NEGR1: variants seen among roughly 807,000 people sequenced by gnomAD.
The protein encoded by NEGR1 is neuronal growth regulator 1.
NEGR1 carries 10 observed loss-of-function variants against 40.9 expected under a neutral mutation model. The observed-to-expected ratio is 0.24, with a 90% CI of 0.15 to 0.42. NEGR1 has a LOEUF of 0.42. Ranked by LOEUF, NEGR1 falls within the 10% of genes least tolerant of loss-of-function variation. The pLI is 1.00. For synonymous variants in NEGR1, 185 were observed against 166.8 expected (o/e 1.11, Z -0.84); for missense variants, 352 against 438.9 (o/e 0.80, Z 1.77).
intron 1 of NEGR1, among the ~76,000 whole-genome samples, chr1:72,204,524 A>T (rs924000636): frequency 2.9e-4 from 44 of 152,268 alleles, no homozygotes; most frequent in African/African-American, 9.9e-4. Context: ...AAGAATGCTG[A>T]GCTTTGAGGG....
chr1:71,527,043 A>G (rs1405669826), intron 6 of NEGR1, among the ~76,000 whole-genome samples: 1 of 151,566 alleles, frequency 6.6e-6, no homozygotes, highest in African/African-American at 2.4e-5. Context: ...ATCCTCTAGA[A>G]AGCCTTTTAT....
intron 4 of NEGR1, among the ~76,000 whole-genome samples, chr1:71,637,300 G>A (rs780549997): frequency 5.9e-5 from 9 of 151,890 alleles, no homozygotes; most frequent in Non-Finnish European, 8.8e-5. Flanking sequence ...GAACTTTAGG[G>A]TATTTATGGA....
At chr1:71,932,756 A>AG (rs1410491300) in intron 2 of NEGR1, among the ~76,000 whole-genome samples, 3 of 152,106 alleles carry the variant, frequency 2.0e-5, no homozygotes, top group Non-Finnish European at 4.4e-5. Context: ...ATTGTTAGGC[A>AG]AAGAGCATAT....
chr1:71,435,078 C>G (rs1017888807), intron 6 of NEGR1, among the ~76,000 whole-genome samples: 17 of 151,586 alleles, frequency 1.1e-4, no homozygotes, highest in South Asian at 2.1e-4. Context: ...GCGACAGAGC[C>G]AGACTCCATC....
intron 3 of NEGR1, among the ~76,000 whole-genome samples, chr1:71,700,154 C>A (rs948358742): frequency 4.0e-5 from 6 of 151,876 alleles, no homozygotes; most frequent in African/African-American, 1.5e-4. Flanking sequence ...AAAATATTTA[C>A]CTTTTTAAAT....
chr1:72,028,692 C>A (rs917714194), intron 1 of NEGR1, among the ~76,000 whole-genome samples: 1 of 152,220 alleles, frequency 6.6e-6, no homozygotes, highest in Non-Finnish European at 1.5e-5. Flanking sequence ...GTCTACTTAA[C>A]CTTCAAGATT....
chr1:71,590,161 C>G (rs747736689), intron 6 of NEGR1, among the ~76,000 whole-genome samples: 2 of 152,082 alleles, frequency 1.3e-5, no homozygotes, highest in Non-Finnish European at 2.9e-5. Flanking sequence ...GTCCTTGAGA[C>G]TGACTGAGTT....
chr1:72,030,258 A>T (rs1156419216), intron 1 of NEGR1, among the ~76,000 whole-genome samples: 1 of 151,492 alleles, frequency 6.6e-6, no homozygotes, highest in Non-Finnish European at 1.5e-5. Flanking sequence ...GCCGTGGTGC[A>T]ATCTTGGCTC....
At chr1:71,837,455 C>G (rs1289082208) in intron 2 of NEGR1, among the ~76,000 whole-genome samples, 1 of 152,028 alleles carries the variant, frequency 6.6e-6, no homozygotes, top group African/African-American at 2.4e-5. Flanking sequence ...CATGGTATTT[C>G]TCTTTAGACT....
intron 3 of NEGR1, among the ~76,000 whole-genome samples, chr1:71,706,854 T>C (rs1453747103): frequency 6.6e-6 from 1 of 151,928 alleles, no homozygotes; most frequent in Admixed American, 6.6e-5. Context: ...GATACCCAGG[T>C]ACTACATTGA....
At chr1:71,420,981 ATAAT>A (rs1445556723) in intron 6 of NEGR1, among the ~76,000 whole-genome samples, 1 of 152,104 alleles carries the variant, frequency 6.6e-6, no homozygotes, top group Non-Finnish European at 1.5e-5. Flanking sequence ...TGAAAGTAAT[ATAAT>A]TAATTTTTGA....
chr1:71,467,571 C>G (rs1188768837), intron 6 of NEGR1, among the ~76,000 whole-genome samples: 1 of 151,940 alleles, frequency 6.6e-6, no homozygotes, highest in Non-Finnish European at 1.5e-5. Context: ...GCATTTTTGA[C>G]AATTATTTAT....
chr1:71,706,621 T>A (rs1254553929), intron 3 of NEGR1, among the ~76,000 whole-genome samples: 1 of 141,280 alleles, frequency 7.1e-6, no homozygotes, highest in African/African-American at 2.6e-5. Context: ...GAATAAAGAG[T>A]GGAGAGGACT....
intron 1 of NEGR1, among the ~76,000 whole-genome samples, chr1:72,025,934 AC>A (rs946996189): frequency 6.6e-6 from 1 of 150,714 alleles, no homozygotes; most frequent in African/African-American, 2.4e-5. Context: ...AAACGGTGAA[AC>A]CCCGTCTCTA....
At chr1:72,221,169 T>C (rs1001705944) in intron 1 of NEGR1, among the ~76,000 whole-genome samples, 3 of 152,150 alleles carry the variant, frequency 2.0e-5, no homozygotes, top group Non-Finnish European at 2.9e-5. Context: ...CGGTCTCTTA[T>C]CATCATATGG....
intron 2 of NEGR1, among the ~76,000 whole-genome samples, chr1:71,845,228 T>C (rs573850970): frequency 1.1e-4 from 16 of 152,032 alleles, no homozygotes; most frequent in Non-Finnish European, 1.9e-4. Flanking sequence ...TAAATAACTA[T>C]AGAATTTTAT....
At chr1:71,925,073 G>C (rs767149857) in intron 2 of NEGR1, among the ~76,000 whole-genome samples, 1 of 151,972 alleles carries the variant, frequency 6.6e-6, no homozygotes, top group African/African-American at 2.4e-5. Flanking sequence ...TCCTGGTTGA[G>C]AGTCAAAAAA....
At chr1:72,039,760 C>A (rs1245180118) in intron 1 of NEGR1, among the ~76,000 whole-genome samples, 1 of 151,760 alleles carries the variant, frequency 6.6e-6, no homozygotes, top group Non-Finnish European at 1.5e-5. Flanking sequence ...GTGCAAATAC[C>A]AATAGCATGC....
rs116459450 is a variant in NEGR1, at chr1:71,568,911, T to C, written c.940+23906A>G. 3.2e-3 allele frequency among the ~76,000 whole-genome samples: 480 copies of C among 151,154 alleles called. 4 individuals carry two copies. Among genetic ancestry groups the C allele is most frequent in the African/African-American group, 0.011 (453 of 41,136 alleles). ...GTCCTTGCCTCAGGGGCAATGATCC[T>C]TTTGTAATTTTTTTTTTTTTTTTGG... On this transcript the variant is annotated intron_variant, in intron 6 of 6. Coordinates refer to ENST00000357731, the MANE Select transcript of NEGR1 (RefSeq NM_173808.3).
Sources: allele counts gnomAD v4.1 joint callset (sites outside exome capture counted in the v4.1 genomes callset), GRCh38; gene constraint gnomAD v4.1.1; transcripts MANE v1.5; gene names NCBI Gene and HGNC (gene_info 2026-07-23, HGNC 2026-07-21).